Variants in GPR158 observed in about 807,000 individuals in gnomAD.
GPR158 encodes the protein metabotropic glycine receptor.
Under a neutral mutation model 78.2 loss-of-function variants are expected in GPR158, and 30 were observed. The ratio of observed to expected loss-of-function variants is 0.38; its 90% CI spans 0.29 to 0.52. The LOEUF is 0.52. GPR158 is among the 20% of genes least tolerant of loss of function. The probability of loss-of-function intolerance (pLI) is 0.83; values close to 1 mark genes in which losing one functional copy is unlikely to be tolerated. For missense variants in GPR158, 1,463 were observed against 1,523.5 expected, an observed-to-expected ratio of 0.96 and a Z score of 0.66; for synonymous variants, 581 against 591.1, an observed-to-expected ratio of 0.98 and a Z score of 0.25.
intron 4 of GPR158, among the ~76,000 whole-genome samples, chr10:25,460,605 A>G (rs150849897): frequency 4.6e-5 from 7 of 152,352 alleles, no homozygotes; most frequent in Middle Eastern, 3.4e-3. Flanking sequence ...AGATATTAAC[A>G]TATTTCCAGA....
chr10:25,288,818 C>G (rs1409810711), intron 2 of GPR158, among the ~76,000 whole-genome samples: 1 of 152,176 alleles, frequency 6.6e-6, no homozygotes, highest in East Asian at 1.9e-4. Flanking sequence ...AATAATAACT[C>G]TTGCTAGTCC....
At chr10:25,568,767 A>T (rs1422896423) in intron 6 of GPR158, among the ~76,000 whole-genome samples, 1 of 152,216 alleles carries the variant, frequency 6.6e-6, no homozygotes, top group African/African-American at 2.4e-5. Flanking sequence ...TGTACACTTT[A>T]TATATGCCTT....
At chr10:25,342,741 A>G (rs572981596) in intron 2 of GPR158, among the ~76,000 whole-genome samples, 17 of 151,088 alleles carry the variant, frequency 1.1e-4, no homozygotes, top group Non-Finnish European at 2.5e-4. Flanking sequence ...GCTTTGATAC[A>G]TATCAATTAT....
chr10:25,212,861 A>AC (rs1853153759), intron 1 of GPR158, among the ~76,000 whole-genome samples: 1 of 152,112 alleles, frequency 6.6e-6, no homozygotes, highest in Non-Finnish European at 1.5e-5. Context: ...CGAACTCCTG[A>AC]CCTTGTGATC....
chr10:25,584,948 AAAAC>A (rs747627718), intron 7 of GPR158, among the ~76,000 whole-genome samples: 207 of 152,268 alleles, frequency 1.4e-3, no homozygotes, highest in Non-Finnish European at 2.6e-3. Flanking sequence ...CAAAATTTAA[AAAAC>A]AAACAAAACA....
At chr10:25,431,733 A>C (rs1834910082) in intron 4 of GPR158, among the ~76,000 whole-genome samples, 1 of 152,068 alleles carries the variant, frequency 6.6e-6, no homozygotes, top group Admixed American at 6.6e-5. Flanking sequence ...ATTGGCAATC[A>C]TCATTCTCAG....
chr10:25,551,471 T>C (rs1208613412), intron 6 of GPR158, among the ~76,000 whole-genome samples: 3 of 152,166 alleles, frequency 2.0e-5, no homozygotes, highest in Non-Finnish European at 4.4e-5. Context: ...TGACAAAAAC[T>C]ACCATCCGCC....
At chr10:25,413,832 G>A (rs998545698) in intron 4 of GPR158, among the ~76,000 whole-genome samples, 1 of 152,112 alleles carries the variant, frequency 6.6e-6, no homozygotes, top group African/African-American at 2.4e-5. Context: ...TTAAAATCAA[G>A]CTTTAAGTCA....
At chr10:25,561,272 T>C (rs1398866528) in intron 6 of GPR158, among the ~76,000 whole-genome samples, 1 of 152,144 alleles carries the variant, frequency 6.6e-6, no homozygotes, top group Non-Finnish European at 1.5e-5. Context: ...TTTAAAAAAA[T>C]AATCCTGGAA....
intron 7 of GPR158, among the ~76,000 whole-genome samples, chr10:25,583,722 C>A (rs1190975061): frequency 7.9e-5 from 12 of 151,874 alleles, no homozygotes; most frequent in Non-Finnish European, 1.6e-4. Flanking sequence ...TAGAAGAGGA[C>A]ATTAAAAGAG....
intron 5 of GPR158, among the ~76,000 whole-genome samples, chr10:25,533,010 T>C (rs1300296519): frequency 6.6e-6 from 1 of 152,234 alleles, no homozygotes; most frequent in Non-Finnish European, 1.5e-5. Flanking sequence ...TTCCACTGAA[T>C]GGCTGTAACT....
At chr10:25,270,614 C>T (rs1854105956) in intron 2 of GPR158, among the ~76,000 whole-genome samples, 1 of 152,138 alleles carries the variant, frequency 6.6e-6, no homozygotes. Flanking sequence ...GCTCCCCACC[C>T]CAGTCAGTGA....
chr10:25,434,219 TG>T (rs1564454914), intron 4 of GPR158, among the ~76,000 whole-genome samples: 2 of 152,076 alleles, frequency 1.3e-5, no homozygotes, highest in Non-Finnish European at 2.9e-5. Flanking sequence ...CTCCATCTGG[TG>T]GTAGCAATAC....
intron 2 of GPR158, among the ~76,000 whole-genome samples, chr10:25,319,352 C>A (rs79582779): frequency 0.024 from 3,578 of 152,214 alleles, 120 homozygotes; most frequent in African/African-American, 0.071. Context: ...CTAGACTGAC[C>A]GTTCTGAGAG....
chr10:25,310,338 T>C (rs1854745799), intron 2 of GPR158, among the ~76,000 whole-genome samples: 1 of 152,186 alleles, frequency 6.6e-6, no homozygotes, highest in African/African-American at 2.4e-5. Flanking sequence ...GTGTTAGTCC[T>C]CCAAGTTTGT....
chr10:25,454,611 G>A (rs991580327), intron 4 of GPR158, among the ~76,000 whole-genome samples: 4 of 152,142 alleles, frequency 2.6e-5, no homozygotes, highest in African/African-American at 9.7e-5. Context: ...CTGTGAGAAA[G>A]GTAAAAGAAC....
intron 4 of GPR158, among the ~76,000 whole-genome samples, chr10:25,446,996 T>G (rs749084965): frequency 2.0e-5 from 3 of 152,174 alleles, no homozygotes; most frequent in Non-Finnish European, 2.9e-5. Context: ...AGGCGTTATC[T>G]GAGGCCAGGA....
intron 7 of GPR158, among the ~76,000 whole-genome samples, chr10:25,574,366 ATTCCT>A (rs1393916788): frequency 2.6e-5 from 4 of 152,110 alleles, no homozygotes; most frequent in African/African-American, 9.7e-5. Context: ...TAAAGTCATT[ATTCCT>A]TTCATTAGAT....
At chr10:25,534,660 A>G (rs1165694285) in intron 5 of GPR158, among the ~76,000 whole-genome samples, 1 of 151,970 alleles carries the variant, frequency 6.6e-6, no homozygotes, top group African/African-American at 2.4e-5. Flanking sequence ...AAGCTAACAC[A>G]GGAGAATCGC....
Sources: allele counts gnomAD v4.1 joint callset (sites outside exome capture counted in the v4.1 genomes callset), GRCh38; gene constraint gnomAD v4.1.1; transcripts MANE v1.5; gene names NCBI Gene and HGNC (gene_info 2026-07-23, HGNC 2026-07-21).